Variants in IQSEC2 observed in about 807,000 individuals in gnomAD.
IQSEC2 encodes the protein IQ motif and SEC7 domain-containing protein 2.
Under a neutral mutation model 74.6 loss-of-function variants are expected in IQSEC2, and 6 were observed. That is an observed-to-expected ratio of 0.08 (90% CI 0.04 to 0.16). The LOEUF (loss-of-function observed/expected upper bound fraction) is 0.16, where lower values mean the gene tolerates loss of function less well. Among genes scored for constraint, IQSEC2 ranks in the 10% least tolerant of loss-of-function variants. The pLI, the probability that IQSEC2 is intolerant of heterozygous loss-of-function variation, is 1.00. For missense variants in IQSEC2, 734 were observed against 1,306.2 expected (o/e 0.56, Z 6.75); for synonymous variants, 494 against 544.5 (o/e 0.91, Z 1.29).
intron 4 of IQSEC2, among the ~76,000 whole-genome samples, chrX:53,251,631 ACT>A (rs1464356849): frequency 9.0e-6 from 1 of 111,308 alleles, no homozygotes; most frequent in Non-Finnish European, 1.9e-5. Flanking sequence ...TGGTATCCAG[ACT>A]CTAAACTGGC....
At chrX:53,239,819 T>G (rs1288664400) in intron 10 of IQSEC2, among the ~76,000 whole-genome samples, 1 of 111,867 alleles carries the variant, frequency 8.9e-6, no homozygotes, top group Non-Finnish European at 1.9e-5. Flanking sequence ...CTTTGTCGAG[T>G]ACTTGGGCAC....
In IQSEC2 at chrX:53,297,748, G is replaced by A. The variant is rs782555376; in HGVS notation, c.708-5824C>T. On this transcript the variant is annotated intron_variant, in intron 1 of 14. Transcript: ENST00000642864. ...GCTTTGACATATCAGGTAATCCATC[G>A]GACTCTTTGTTTCCCTTAAAAACAC... Among the ~76,000 whole-genome samples, 13 of 111,539 alleles carry A rather than the reference G, an allele frequency of 1.2e-4. No individual in the cohort carries two copies. The South Asian group carries it at 4.9e-3, about 42-fold the overall frequency.
intron 2 of IQSEC2, among the ~76,000 whole-genome samples, chrX:53,266,150 C>T (rs2147179475): frequency 9.0e-6 from 1 of 111,622 alleles, no homozygotes; most frequent in African/African-American, 3.3e-5. Flanking sequence ...TTAGCCTGCC[C>T]GTGTTGGGAG....
Position 53,238,260 on chromosome X carries a change from C to T in IQSEC2, c.3162G>A (p.Glu1054=). The T allele has an allele frequency of 3.3e-6, 4 of 1,211,548 alleles. No homozygotes were observed. The highest frequency in any genetic ancestry group is 4.5e-6 in the Non-Finnish European group (4 of 895,314). Residue 1054 remains glutamate, a synonymous_variant, in exon 12 of 15, where the codon GAG becomes GAA. Transcript: ENST00000642864. ...IKLLSAVPGG[E]RKVLIIFNAP... is the part of the protein sequence containing the mutation. ...CATTGAAGATGATGAGGACTTTTCGCTCCCCACCAGGTACTGCAGACAGCA... is the reference window on the plus strand; with the variant it reads ...CATTGAAGATGATGAGGACTTTTCGTTCCCCACCAGGTACTGCAGACAGCA...
intron 12 of IQSEC2, chrX:53,237,568 T>C (rs1556860015): frequency 1.6e-5 from 2 of 128,358 alleles, no homozygotes; most frequent in Middle Eastern, 3.8e-3. Flanking sequence ...CCATTATATA[T>C]ATATGATCAA....
In IQSEC2 at chrX:53,242,670, T is replaced by A. The variant is rs868977942; in HGVS notation, c.2889+662A>T. ...TATGAATGCCCAGCACCAACTCTGGTGCCCAGCAAATGCTGGGCTCAGTGG... is the reference window on the plus strand; with the variant it reads ...TATGAATGCCCAGCACCAACTCTGGAGCCCAGCAAATGCTGGGCTCAGTGG... On this transcript the variant is annotated intron_variant, in intron 9 of 14. Coordinates refer to ENST00000642864, the MANE Select transcript of IQSEC2 (RefSeq NM_001111125.3). Among the ~76,000 whole-genome samples, 3 of 111,707 alleles carry A rather than the reference T, an allele frequency of 2.7e-5. No individual in the cohort carries two copies. In the South Asian group the frequency reaches 1.1e-3, roughly 41 times the overall value.
chrX:53,310,266 C>G (rs2075309009), intron 1 of IQSEC2, among the ~76,000 whole-genome samples: 1 of 110,343 alleles, frequency 9.1e-6, no homozygotes, highest in South Asian at 3.8e-4. Flanking sequence ...TGTCTGTGGT[C>G]CAAGCAACTT....
intron 5 of IQSEC2, 23 bp from the exon 6 acceptor site, chrX:53,248,905 T>G: frequency 8.4e-7 from 1 of 1,197,003 alleles, no homozygotes; most frequent in South Asian, 1.8e-5. Context: ...GAGAGGTAGA[T>G]GAGATGACTG....
chrX:53,302,355 G>A (rs782378501), intron 1 of IQSEC2, among the ~76,000 whole-genome samples: 8 of 112,686 alleles, frequency 7.1e-5, no homozygotes, highest in Non-Finnish European at 1.3e-4. Context: ...CCACAGGGCA[G>A]AGGTTTTGTC....
intron 2 of IQSEC2, among the ~76,000 whole-genome samples, chrX:53,290,569 C>T (rs1404648879): frequency 1.8e-5 from 2 of 111,770 alleles, no homozygotes; most frequent in Non-Finnish European, 3.8e-5. Flanking sequence ...ACAAGCTGTG[C>T]CCATGACATG....
chrX:53,248,559 G>A lies in IQSEC2; in HGVS notation c.2459+162C>T, dbSNP rs782774514. Among the ~76,000 whole-genome samples the A allele has an allele frequency of 1.2e-4, 13 of 111,707 alleles. No individual in the cohort carries two copies. In the East Asian group the frequency reaches 3.7e-3, roughly 31 times the overall value. ...AGACTTTAGGAATAGAGCCAAACAA[G>A]ATCAGACCCCTTTGGGGCAGAAGGG... On this transcript the variant is annotated intron_variant, in intron 6 of 14. Coordinates refer to ENST00000642864, the MANE Select transcript of IQSEC2 (RefSeq NM_001111125.3).
intron 1 of IQSEC2, among the ~76,000 whole-genome samples, chrX:53,313,993 G>T (rs782638721): frequency 1.8e-5 from 2 of 112,226 alleles, no homozygotes; most frequent in South Asian, 3.7e-4. Context: ...AAAGCCAAAA[G>T]AATTTATTTT....
chrX:53,279,625 A>G (rs1396467889), intron 2 of IQSEC2: 1 of 1,194,288 alleles, frequency 8.4e-7, no homozygotes, highest in African/African-American at 1.8e-5. Context: ...TGAGTAGGAC[A>G]GCAATACTGG....
intron 1 of IQSEC2, among the ~76,000 whole-genome samples, chrX:53,305,946 C>A (rs899633238): frequency 1.8e-5 from 2 of 112,063 alleles, no homozygotes; most frequent in African/African-American, 6.5e-5. Context: ...AAGGAAGGTG[C>A]GGTTAGGCAC....
In IQSEC2 at chrX:53,311,131, A is replaced by AAAAG. The variant is rs1556877965; in HGVS notation, c.707+9285_707+9286insCTTT. 3.1e-5 allele frequency among the ~76,000 whole-genome samples: 3 copies of AAAAG among 95,979 alleles called. 1 individual carries two copies. Among genetic ancestry groups the AAAAG allele is most frequent in the Non-Finnish European group, 6.3e-5 (3 of 47,422 alleles). 83.3% of individuals were successfully genotyped at this position (95,979 alleles called of 115,157 possible). A position where few individuals can be genotyped will look rare whatever the true frequency, so the allele number is the denominator to read the frequency against. ...CGAGAGACTCCATCTCAAAAAAAAA[A>AAAAG]AAAAGAAAAGAAAAGAAAAGATGCT... On this transcript the variant is annotated intron_variant, in intron 1 of 14. Transcript: ENST00000642864.
intron 2 of IQSEC2, among the ~76,000 whole-genome samples, chrX:53,289,421 ATCT>A (rs2075071584): frequency 1.8e-5 from 2 of 110,254 alleles, no homozygotes; most frequent in African/African-American, 6.6e-5. Context: ...TCCTGCCTAG[ATCT>A]TCTATTTTAG....
rs782165719 is a variant in IQSEC2 at position 53,250,918 on chromosome X, G to A, written c.1658C>T (p.Pro553Leu). ...PEFWAPAPLP[P>L]VPPPVPSGTR... ...TCCTGATGGCACTGGTGGAGGAACT[G>A]GCGGGAGAGGGGCTGGCGCCCAGAA... Residue 553 changes from proline to leucine, a missense_variant, in exon 5 of 15, where the codon CCA becomes CTA. Pro to Leu is a moderately conservative substitution (Grantham distance 98, BLOSUM62 -3). Around this residue, in one of 12 missense-constraint regions of IQSEC2, gnomAD observed 204 missense variants for 305.4 expected, o/e 0.67. Coordinates refer to ENST00000642864, the MANE Select transcript of IQSEC2 (RefSeq NM_001111125.3). The A allele has an allele frequency of 1.7e-6, 2 of 1,210,352 alleles. No individual in the cohort carries two copies. Among genetic ancestry groups the A allele is most frequent in the South Asian group, 3.5e-5 (2 of 56,903 alleles).
At chrX:53,314,471 T>C (rs1235125043) in intron 1 of IQSEC2, among the ~76,000 whole-genome samples, 4 of 111,493 alleles carry the variant, frequency 3.6e-5, no homozygotes, top group East Asian at 5.6e-4. Context: ...AATGTGCTCA[T>C]TGAGAGGGTC....
At chrX:53,265,312 G>A (rs1230790654) in intron 2 of IQSEC2, among the ~76,000 whole-genome samples, 1 of 110,531 alleles carries the variant, frequency 9.0e-6, no homozygotes, top group Non-Finnish European at 1.9e-5. Context: ...AGATGCTGAA[G>A]GGAGGGAGGA....
Sources: allele counts gnomAD v4.1 joint callset (sites outside exome capture counted in the v4.1 genomes callset), GRCh38; gene constraint gnomAD v4.1.1; regional missense constraint gnomAD v4.1.1; transcripts MANE v1.5; gene names NCBI Gene and HGNC (gene_info 2026-07-23, HGNC 2026-07-21).